Variants in UNC5D observed in about 807,000 individuals in gnomAD.
The protein encoded by UNC5D is netrin receptor UNC5D.
A neutral mutation model predicts 105.4 loss-of-function variants in UNC5D; 39 were observed. That is an observed-to-expected ratio of 0.37 (90% confidence interval 0.29 to 0.48). The LOEUF (loss-of-function observed/expected upper bound fraction) is 0.48, where lower values mean the gene tolerates loss of function less well. Among genes scored for constraint, UNC5D ranks in the 20% least tolerant of loss-of-function variants. The probability of loss-of-function intolerance (pLI) is 0.98; values close to 1 mark genes in which losing one functional copy is unlikely to be tolerated. For synonymous variants in UNC5D, 452 were observed against 450.4 expected, an observed-to-expected ratio of 1.00 and a Z score of -0.04; for missense variants, 991 against 1,202.4, an observed-to-expected ratio of 0.82 and a Z score of 2.60.
rs1265321315 is a variant in UNC5D, at chr8:35,518,643, T to A, written c.104-30649T>A. ...AAAACATGTAGAACATATTTATGCATGTTTTCTTTGGCTCATGTTCTGATA... is the reference window on the plus strand; with the variant it reads ...AAAACATGTAGAACATATTTATGCAAGTTTTCTTTGGCTCATGTTCTGATA... On this transcript the variant is annotated intron_variant, in intron 1 of 16. Coordinates refer to ENST00000404895, the MANE Select transcript of UNC5D (RefSeq NM_080872.4). 2.6e-5 allele frequency among the ~76,000 whole-genome samples: 4 copies of A among 152,206 alleles called. 1 individual carries two copies. The East Asian group carries it at 7.7e-4, about 29-fold the overall frequency.
intron 7 of UNC5D, among the ~76,000 whole-genome samples, chr8:35,705,608 A>G (rs1259157156): frequency 6.6e-6 from 1 of 152,236 alleles, no homozygotes; most frequent in Non-Finnish European, 1.5e-5. Context: ...TGTATATAAT[A>G]GAGTGACAGG....
At chr8:35,384,676 A>G (rs1024154691) in intron 1 of UNC5D, among the ~76,000 whole-genome samples, 4 of 152,224 alleles carry the variant, frequency 2.6e-5, no homozygotes, top group Non-Finnish European at 5.9e-5. Flanking sequence ...AGTGACCCAC[A>G]TTTATAGCTT....
At chr8:35,585,136 CT>C (rs1482098202) in intron 3 of UNC5D, among the ~76,000 whole-genome samples, 1 of 152,188 alleles carries the variant, frequency 6.6e-6, no homozygotes, top group East Asian at 1.9e-4. Flanking sequence ...AGCTACACTA[CT>C]TGTGAACACA....
chr8:35,760,609 C>T (rs1331967156), intron 14 of UNC5D, among the ~76,000 whole-genome samples: 1 of 152,140 alleles, frequency 6.6e-6, no homozygotes, highest in Non-Finnish European at 1.5e-5. Context: ...AGCCAGTCAT[C>T]TGTACTTCAA....
intron 4 of UNC5D, among the ~76,000 whole-genome samples, chr8:35,636,646 A>G (rs1444790394): frequency 6.6e-6 from 1 of 152,136 alleles, no homozygotes; most frequent in African/African-American, 2.4e-5. Context: ...TGTCTTCCCC[A>G]GTGAGGGATC....
At chr8:35,707,488 C>A (rs1161700981) in intron 8 of UNC5D, among the ~76,000 whole-genome samples, 1 of 152,030 alleles carries the variant, frequency 6.6e-6, no homozygotes, top group Non-Finnish European at 1.5e-5. Flanking sequence ...TGTGTATGGG[C>A]ATTGAGGGAG....
chr8:35,551,189 G>A (rs887030070), intron 2 of UNC5D, among the ~76,000 whole-genome samples: 3 of 152,138 alleles, frequency 2.0e-5, no homozygotes, highest in Non-Finnish European at 4.4e-5. Context: ...GATAATTCAG[G>A]TGAGAGAAGG....
chr8:35,424,899 G>A (rs1806142141), intron 1 of UNC5D, among the ~76,000 whole-genome samples: 1 of 152,248 alleles, frequency 6.6e-6, no homozygotes, highest in Non-Finnish European at 1.5e-5. Flanking sequence ...CTACAGGGCT[G>A]CTGACTTGTT....
chr8:35,513,775 G>A (rs542109279), intron 1 of UNC5D, among the ~76,000 whole-genome samples: 1 of 152,294 alleles, frequency 6.6e-6, no homozygotes, highest in African/African-American at 2.4e-5. Context: ...AAGCACCAAA[G>A]ATATTGTTGA....
At chr8:35,469,354 T>G (rs1484862130) in intron 1 of UNC5D, among the ~76,000 whole-genome samples, 1 of 152,196 alleles carries the variant, frequency 6.6e-6, no homozygotes, top group Non-Finnish European at 1.5e-5. Context: ...GAATAATGCA[T>G]GAAAGCTCTT....
At chr8:35,432,275 G>A (rs556036574) in intron 1 of UNC5D, among the ~76,000 whole-genome samples, 9 of 152,030 alleles carry the variant, frequency 5.9e-5, no homozygotes, top group Non-Finnish European at 1.3e-4. Context: ...CTCTATTATT[G>A]TTGTTATTAT....
intron 8 of UNC5D, among the ~76,000 whole-genome samples, chr8:35,713,146 C>T (rs1393684475): frequency 6.6e-6 from 1 of 151,964 alleles, no homozygotes; most frequent in Middle Eastern, 3.4e-3. Flanking sequence ...CTGACTTTGC[C>T]CTTAATGGAC....
rs889305367 is a variant in UNC5D at position 35,280,864 on chromosome 8, A to G, written c.103+44977A>G. 3.3e-5 allele frequency among the ~76,000 whole-genome samples: 5 copies of G among 152,152 alleles called. 1 individual carries two copies. In the East Asian group the frequency reaches 5.8e-4, roughly 18 times the overall value. On this transcript the variant is annotated intron_variant, in intron 1 of 16. Transcript: ENST00000404895. Reference sequence around the variant, plus strand: ...GCCAGATTAATCTTTCTAATGCTCAATTCTAATGATGTCTCTCCCATTCCC... The same window carrying G: ...GCCAGATTAATCTTTCTAATGCTCAGTTCTAATGATGTCTCTCCCATTCCC...
intron 4 of UNC5D, among the ~76,000 whole-genome samples, chr8:35,638,040 T>A (rs1822487829): frequency 6.6e-6 from 1 of 152,214 alleles, no homozygotes; most frequent in Admixed American, 6.5e-5. Flanking sequence ...TGTTCTTTTA[T>A]GGAATCTTTT....
chr8:35,725,865 G>C (rs1828830893), intron 9 of UNC5D, among the ~76,000 whole-genome samples: 1 of 152,288 alleles, frequency 6.6e-6, no homozygotes, highest in East Asian at 1.9e-4. Flanking sequence ...TTCGTTGCCA[G>C]AGAGAGTGCC....
At chr8:35,589,013 A>C (rs1021701791) in intron 3 of UNC5D, among the ~76,000 whole-genome samples, 2 of 152,072 alleles carry the variant, frequency 1.3e-5, no homozygotes, top group Non-Finnish European at 2.9e-5. Context: ...ATTGCACTCC[A>C]GCCTGGGCGA....
chr8:35,790,703 C>A lies in UNC5D; in HGVS notation c.*140C>A. On this transcript the variant is annotated 3_prime_UTR_variant, in exon 17 of 17. Coordinates refer to ENST00000404895, the MANE Select transcript of UNC5D (RefSeq NM_080872.4). ...CAGTGAGATTCCCCTGTTGAAGAAA[C>A]TAAATTTTATATAGGTAAAACATGT... 2.3e-6 allele frequency: 2 copies of A among 886,788 alleles called. No individual in the cohort carries two copies. The highest frequency in any genetic ancestry group is 3.3e-5 in the South Asian group (2 of 61,072). The allele number at this position is 886,788 out of a possible 1,614,324, so 54.9% of individuals were successfully genotyped here. A position where few individuals can be genotyped will look rare whatever the true frequency, so the allele number is the denominator to read the frequency against.
At chr8:35,528,267 A>T (rs968132855) in intron 1 of UNC5D, among the ~76,000 whole-genome samples, 1 of 151,308 alleles carries the variant, frequency 6.6e-6, no homozygotes, top group African/African-American at 2.4e-5. Context: ...TCATTGTTCA[A>T]TTCTCACCTA....
intron 3 of UNC5D, among the ~76,000 whole-genome samples, chr8:35,589,829 A>G (rs1819044629): frequency 1.3e-5 from 2 of 152,162 alleles, no homozygotes; most frequent in Admixed American, 6.5e-5. Flanking sequence ...GTGCATCAAT[A>G]TTCTTTCCTT....
Sources: gnomAD v4.1 joint callset for allele counts (sites outside exome capture counted in the v4.1 genomes callset) on GRCh38, gnomAD v4.1.1 for gene constraint, MANE v1.5 for transcripts, NCBI Gene and HGNC (gene_info 2026-07-23, HGNC 2026-07-21) for gene names.